METAP1: variants seen among roughly 807,000 people sequenced by gnomAD.
The protein encoded by METAP1 is methionine aminopeptidase 1.
In METAP1, 28 loss-of-function variants were observed where a neutral mutation model predicts 53.8. The observed-to-expected ratio is 0.52, with a 90% CI of 0.39 to 0.71. METAP1 has a LOEUF of 0.71. METAP1 is among the 30% of genes least tolerant of loss of function. The pLI is 0.00. For missense variants in METAP1, 389 were observed against 479.8 expected (o/e 0.81, Z 1.77); for synonymous variants, 181 against 165.7 (o/e 1.09, Z -0.71).
chr4:99,039,768 AT>A (rs1264906895), intron 5 of METAP1, among the ~76,000 whole-genome samples: 5 of 151,790 alleles, frequency 3.3e-5, no homozygotes, highest in African/African-American at 1.2e-4. Context: ...TAATTTTTGT[AT>A]TTTTAGTAGA....
chr4:99,043,037 C>T lies in METAP1; in HGVS notation c.517-212C>T, dbSNP rs536894032. Among the ~76,000 whole-genome samples, 10 of 152,190 alleles carry T rather than the reference C, an allele frequency of 6.6e-5. No homozygotes were observed. The South Asian group carries it at 2.1e-3, about 32-fold the overall frequency. On this transcript the variant is annotated intron_variant, in intron 6 of 10. Coordinates refer to ENST00000296411, the MANE Select transcript of METAP1 (RefSeq NM_015143.3). ...ATTTTACTTTTCCTTTGTGCAGTTA[C>T]CAGTAAACTGGTTTGTGTATGTGTA...
intron 1 of METAP1, among the ~76,000 whole-genome samples, chr4:99,009,861 G>A (rs1229574177): frequency 6.6e-6 from 1 of 152,120 alleles, no homozygotes; most frequent in Non-Finnish European, 1.5e-5. Flanking sequence ...ATGAACAAAA[G>A]TTTTTTAAGT....
At chr4:99,046,400 A>C (rs1311965484) in intron 8 of METAP1, among the ~76,000 whole-genome samples, 1 of 152,204 alleles carries the variant, frequency 6.6e-6, no homozygotes, top group East Asian at 1.9e-4. Flanking sequence ...CATTTCAAAA[A>C]AAGAAGAAAA....
intron 2 of METAP1, among the ~76,000 whole-genome samples, chr4:99,032,786 C>G (rs1725140355): frequency 6.6e-6 from 1 of 152,206 alleles, no homozygotes; most frequent in Non-Finnish European, 1.5e-5. Flanking sequence ...GAACTGTTTT[C>G]TGTCATGTTT....
chr4:99,048,067 T>A (rs1726400537), intron 8 of METAP1, among the ~76,000 whole-genome samples: 1 of 152,202 alleles, frequency 6.6e-6, no homozygotes, highest in Non-Finnish European at 1.5e-5. Flanking sequence ...CACTTTCTTA[T>A]CTCTTCTGCT....
intron 10 of METAP1, 54 bp from the exon 11 acceptor site, chr4:99,061,100 T>TA: frequency 6.4e-7 from 1 of 1,568,710 alleles, no homozygotes; most frequent in Non-Finnish European, 8.7e-7. Context: ...TTCTTCTTGA[T>TA]AGAGTTCATT....
At chr4:99,006,433 ATTTG>A (rs1723182179) in intron 1 of METAP1, among the ~76,000 whole-genome samples, 1 of 152,072 alleles carries the variant, frequency 6.6e-6, no homozygotes, top group African/African-American at 2.4e-5. Context: ...ATTTTGCTGT[ATTTG>A]TTTTATTTAT....
intron 1 of METAP1, among the ~76,000 whole-genome samples, chr4:99,015,445 C>G (rs1723704795): frequency 6.6e-6 from 1 of 152,118 alleles, no homozygotes; most frequent in Non-Finnish European, 1.5e-5. Flanking sequence ...GGCTGATTAT[C>G]TATATTAGAA....
chr4:98,996,015 C>T (rs1248636840), intron 1 of METAP1, 148 bp downstream of exon 1: 1 of 661,820 alleles, frequency 1.5e-6, no homozygotes, highest in Non-Finnish European at 2.6e-6. Flanking sequence ...ACCCGCGTCG[C>T]CACCGCCCCC....
rs35135230 is a variant in METAP1, at chr4:99,060,360, C to CTTTTTT, written c.998-778_998-773dup. ...TAGAAGTGGAATCATTAAGCACATG[C>CTTTTTT]TTTTTTTTTTTTTTTTTTTTTGAGA... On this transcript the variant is annotated intron_variant, in intron 10 of 10. Coordinates refer to ENST00000296411, the MANE Select transcript of METAP1 (RefSeq NM_015143.3). 7.7e-5 allele frequency among the ~76,000 whole-genome samples: 8 copies of CTTTTTT among 103,644 alleles called. 1 individual carries two copies. Among genetic ancestry groups the CTTTTTT allele is most frequent in the Admixed American group, 2.5e-4 (2 of 8,134 alleles). 68.0% of individuals were successfully genotyped at this position (103,644 alleles called of 152,430 possible).
intron 9 of METAP1, among the ~76,000 whole-genome samples, chr4:99,055,272 C>T (rs2110422873): frequency 6.6e-6 from 1 of 151,940 alleles, no homozygotes; most frequent in East Asian, 1.9e-4. Context: ...CAACTGTAGT[C>T]CCCAGCTACT....
At chr4:99,009,680 T>A (rs1469327478) in intron 1 of METAP1, among the ~76,000 whole-genome samples, 1 of 152,216 alleles carries the variant, frequency 6.6e-6, no homozygotes, top group Non-Finnish European at 1.5e-5. Flanking sequence ...TGGAGAAATG[T>A]CTGCTTAAGT....
Position 99,041,026 on chromosome 4 carries a change from G to C in METAP1, c.433-17G>C, listed in dbSNP as rs1482356332. ...TTCTGTGTCTTTTTTAATGTATTGAGTGTTCCTTTTTTACAGCTTGCTAGA... is the reference window on the plus strand; with the variant it reads ...TTCTGTGTCTTTTTTAATGTATTGACTGTTCCTTTTTTACAGCTTGCTAGA... On this transcript the variant is annotated splice_polypyrimidine_tract_variant and intron_variant, in intron 5 of 10. Transcript: ENST00000296411. The C allele has an allele frequency of 6.3e-7, 1 of 1,589,930 alleles. No homozygotes were observed. Among genetic ancestry groups the C allele is most frequent in the African/African-American group, 1.3e-5 (1 of 74,472 alleles).
intron 4 of METAP1, among the ~76,000 whole-genome samples, chr4:99,036,497 C>T (rs1166736127): frequency 2.6e-5 from 4 of 152,070 alleles, no homozygotes; most frequent in African/African-American, 4.8e-5. Flanking sequence ...GAGGTAACTG[C>T]TATTCACCTT....
intron 9 of METAP1, among the ~76,000 whole-genome samples, chr4:99,053,883 TTAAC>T (rs1457913843): frequency 2.7e-5 from 4 of 150,202 alleles, no homozygotes; most frequent in South Asian, 4.2e-4. Flanking sequence ...ATTAATTATA[TTAAC>T]TATATTATAT....
chr4:99,059,974 G>A (rs1035527361), intron 10 of METAP1, among the ~76,000 whole-genome samples: 4 of 152,072 alleles, frequency 2.6e-5, no homozygotes, highest in African/African-American at 9.7e-5. Flanking sequence ...ATTATATCAG[G>A]AATTGAATGC....
chr4:99,017,870 A>G (rs1024508405), intron 1 of METAP1, among the ~76,000 whole-genome samples: 2 of 152,258 alleles, frequency 1.3e-5, no homozygotes, highest in African/African-American at 4.8e-5. Flanking sequence ...CAGAAAGGCA[A>G]CTGGTTGCCG....
intron 1 of METAP1, among the ~76,000 whole-genome samples, chr4:99,002,030 A>G (rs1255724802): frequency 6.6e-6 from 1 of 152,248 alleles, no homozygotes; most frequent in African/African-American, 2.4e-5. Flanking sequence ...GAAGTGCTAT[A>G]GGAAATGTGA....
intron 6 of METAP1, 25 bp downstream of exon 6, chr4:99,041,151 G>A (rs764641265): frequency 1.2e-5 from 18 of 1,477,958 alleles, no homozygotes; most frequent in Non-Finnish European, 1.6e-5. Context: ...TTTTTACTTT[G>A]AGTAATTTTG....
Sources: gnomAD v4.1 joint callset for allele counts (sites outside exome capture counted in the v4.1 genomes callset) on GRCh38, gnomAD v4.1.1 for gene constraint, MANE v1.5 for transcripts, NCBI Gene and HGNC (gene_info 2026-07-23, HGNC 2026-07-21) for gene names.